Variants in CEP72 observed in about 807,000 individuals in gnomAD.
CEP72 encodes centrosomal protein of 72 kDa.
A neutral mutation model predicts 65.7 loss-of-function variants in CEP72; 78 were observed. The observed-to-expected ratio is 1.19, with a 90% CI of 0.99 to 1.43. CEP72 has a LOEUF of 1.43. Among genes scored for constraint, CEP72 ranks in the 40% most tolerant of loss-of-function variants. The pLI is 0.00. For synonymous variants in CEP72, 358 were observed against 351.7 expected (o/e 1.02, Z -0.20); for missense variants, 914 against 832.9 (o/e 1.10, Z -1.20).
downstream of CEP72, among the ~76,000 whole-genome samples, chr5:668,753 G>A (rs1028791783): frequency 3.3e-5 from 5 of 152,238 alleles, no homozygotes; most frequent in African/African-American, 7.2e-5. Context: ...TGTTCTGCTC[G>A]TAGTCACCAA....
At chr5:625,414 T>C (rs1337136366) in intron 4 of CEP72, among the ~76,000 whole-genome samples, 1 of 152,258 alleles carries the variant, frequency 6.6e-6, no homozygotes, top group Non-Finnish European at 1.5e-5. Flanking sequence ...TGTGAATGTT[T>C]TGGGCCCTGG....
At position 636,585 on chromosome 5, in the gene CEP72, C is replaced by T. The variant is rs141460924; in HGVS notation, c.905-932C>T. ...CAATATTTTGGGAGGCCGAGGCAGG[C>T]GGATCATTTGAGGTCAGGAGTTTAA... On this transcript the variant is annotated intron_variant, in intron 6 of 11. Coordinates refer to ENST00000264935, the MANE Select transcript of CEP72 (RefSeq NM_018140.4). Among the ~76,000 whole-genome samples, 17 of 152,220 alleles carry T rather than the reference C, an allele frequency of 1.1e-4. No individual in the cohort carries two copies. In the East Asian group the frequency reaches 2.9e-3, roughly 26 times the overall value.
chr5:658,645 ATTTTTTTTTTTTTTTTTTTTTT>A (rs70955278), downstream of CEP72, among the ~76,000 whole-genome samples: 43 of 55,984 alleles, frequency 7.7e-4, no homozygotes, highest in Admixed American at 2.4e-3. Flanking sequence ...AGCAAAGCTG[ATTTTTTTTTTTTTTTTTTTTTT>A]TTTTTTTTTT....
intron 4 of CEP72, among the ~76,000 whole-genome samples, chr5:625,130 A>G (rs1736664917): frequency 1.3e-5 from 2 of 152,152 alleles, no homozygotes; most frequent in Admixed American, 1.3e-4. Context: ...TTCCCCTTGC[A>G]GCCCCAGCCC....
Position 648,931 on chromosome 5 carries a change from G to C in CEP72, c.1778+1015G>C, listed in dbSNP as rs1372700808. ...AGGGGTGACTGTGAGGTGTGACTGT[G>C]AGGTGTGACTGTGAGGTGTGACCAC... is the stretch of plus-strand genomic sequence containing the variant. On this transcript the variant is annotated intron_variant, in intron 11 of 11. Transcript: ENST00000264935. Among the ~76,000 whole-genome samples, 51 of 146,240 alleles carry C rather than the reference G, an allele frequency of 3.5e-4. 1 individual carries two copies. Among genetic ancestry groups the C allele is most frequent in the African/African-American group, 1.2e-3 (46 of 38,566 alleles).
chr5:628,567 T>G (rs866733601), intron 4 of CEP72, among the ~76,000 whole-genome samples: 405 of 129,258 alleles, frequency 3.1e-3, no homozygotes, highest in African/African-American at 8.7e-3. Context: ...CCGGGGAGTG[T>G]TCCCAGGACC....
Position 637,682 on chromosome 5 carries a change from C to T in CEP72, c.1070C>T (p.Thr357Ile). The stretch of plus-strand genomic sequence containing the variant: ...GAGGGTTTGGGCTGCCCGGAGAGAA[C>T]TCATGGGTCCTCCGTGCCCAAGGAG... Reference protein sequence around the residue: ...DQEGLGCPERTHGSSVPKESL... With the variant: ...DQEGLGCPERIHGSSVPKESL... The change falls in exon 7 of 12, where the codon ACT becomes ATT. Residue 357 changes from threonine (T) to isoleucine (I), a missense_variant. Coordinates refer to ENST00000264935, the MANE Select transcript of CEP72 (RefSeq NM_018140.4). 1 of 1,613,912 alleles carries T rather than the reference C, an allele frequency of 6.2e-7. No individual in the cohort carries two copies. The highest frequency in any genetic ancestry group is 8.5e-7 in the Non-Finnish European group (1 of 1,180,036).
chr5:640,907 GTCTTGCTGACCCA>G, intron 9 of CEP72: 1 of 985,456 alleles, frequency 1.0e-6, no homozygotes, highest in Non-Finnish European at 1.2e-6. Flanking sequence ...ACGTGACTTT[GTCTTGCTGACCCA>G]TCTCTCAGGG....
Position 637,639 on chromosome 5 carries a change from C to T in CEP72, c.1027C>T (p.Gln343Ter). 2 of 1,614,024 alleles carry T rather than the reference C, an allele frequency of 1.2e-6. No homozygotes were observed. The highest frequency in any genetic ancestry group is 8.5e-7 in the Non-Finnish European group (1 of 1,180,042). ...GCGAAGAATGCCTGTTGGAAGATTC[C>T]AGACGTTTTCGGACCAGGAGGGTTT... ...RKRRMPVGRF[Q>*]TFSDQEGLGC... The change falls in exon 7 of 12, where the codon CAG becomes TAG. Residue 343 changes from glutamine (Q) to a stop codon, truncating the protein, a stop_gained. Coordinates refer to ENST00000264935, the MANE Select transcript of CEP72 (RefSeq NM_018140.4). LOFTEE classifies it high-confidence loss of function.
intron 6 of CEP72, 66 bp from the exon 7 acceptor site, chr5:637,451 T>TA: frequency 6.9e-7 from 1 of 1,442,048 alleles, no homozygotes; most frequent in Non-Finnish European, 9.5e-7. Flanking sequence ...TTTTAAAAGT[T>TA]ACAGTGCTGA....
At position 644,340 on chromosome 5, in the gene CEP72, CAGT is replaced by C; in HGVS notation, c.1584_1586del (p.Ser528del). ...ATTTAGATAAATCTTTGGAAGAGAA[CAGT>C]AGGTTAAAATCGCTTTTGTTGAGTA... is the stretch of plus-strand genomic sequence containing the variant. On this transcript the variant is annotated inframe_deletion, in exon 10 of 12. Transcript: ENST00000264935. 6.2e-7 allele frequency: 1 copy of C among 1,613,762 alleles called. No homozygotes were observed. The highest frequency in any genetic ancestry group is 8.5e-7 in the Non-Finnish European group (1 of 1,179,880).
Position 637,498 on chromosome 5 carries a change from C to T in CEP72, c.905-19C>T, listed in dbSNP as rs1171540883. 3.1e-6 allele frequency: 5 copies of T among 1,600,678 alleles called. No homozygotes were observed. Among genetic ancestry groups the T allele is most frequent in the East Asian group, 2.2e-5 (1 of 44,688 alleles). On this transcript the variant is annotated intron_variant, in intron 6 of 11. Coordinates refer to ENST00000264935, the MANE Select transcript of CEP72 (RefSeq NM_018140.4). ...AGAGAATTTGGCCTGACGTGCGCCC[C>T]ATCCTCTCTATATCTCAGACTCCAT...
downstream of CEP72, among the ~76,000 whole-genome samples, chr5:654,808 A>G (rs907800411): frequency 7.8e-6 from 1 of 128,112 alleles, no homozygotes; most frequent in Non-Finnish European, 1.9e-5. Flanking sequence ...CACTACTCAT[A>G]TTTCTTGTCT....
intron 6 of CEP72, among the ~76,000 whole-genome samples, chr5:636,470 G>C (rs887313687): frequency 4.6e-5 from 7 of 152,206 alleles, no homozygotes; most frequent in Non-Finnish European, 1.0e-4. Context: ...AGTGTCACGT[G>C]ATACCATGTG....
At chr5:638,645 G>T (rs1737788195) in intron 7 of CEP72, among the ~76,000 whole-genome samples, 1 of 152,042 alleles carries the variant, frequency 6.6e-6, no homozygotes, top group Admixed American at 6.5e-5. Context: ...GATGGGGGAG[G>T]TGGGCGGTCT....
chr5:652,738 ATTCAT>A, intron 11 of CEP72, among the ~76,000 whole-genome samples: 1 of 152,352 alleles, frequency 6.6e-6, no homozygotes, highest in East Asian at 1.9e-4. Context: ...CAGCTCATTC[ATTCAT>A]TCCATAGGTG....
intron 4 of CEP72, among the ~76,000 whole-genome samples, chr5:627,752 T>C (rs1051716222): frequency 5.9e-5 from 9 of 152,260 alleles, no homozygotes; most frequent in African/African-American, 2.2e-4. Flanking sequence ...GAAGCACTTA[T>C]TCCACGTGGT....
At chr5:669,002 C>G (rs1200869313), downstream of CEP72, among the ~76,000 whole-genome samples, 1 of 152,238 alleles carries the variant, frequency 6.6e-6, no homozygotes, top group Admixed American at 6.5e-5. Context: ...ACACGCGTGT[C>G]CTAAAGACAC....
intron 10 of CEP72, among the ~76,000 whole-genome samples, chr5:647,272 A>G (rs958273961): frequency 6.6e-6 from 1 of 152,240 alleles, no homozygotes; most frequent in African/African-American, 2.4e-5. Context: ...TTGGGGAGCC[A>G]CTAAATAGTA....
Sources: allele counts gnomAD v4.1 joint callset (sites outside exome capture counted in the v4.1 genomes callset), GRCh38; gene constraint gnomAD v4.1.1; transcripts MANE v1.5; gene names NCBI Gene and HGNC (gene_info 2026-07-23, HGNC 2026-07-21).